The following KDM2A variants were observed in gnomAD, a reference collection of about 807,000 sequenced individuals.
KDM2A encodes the protein lysine-specific demethylase 2A.
Under a neutral mutation model 137.3 loss-of-function variants are expected in KDM2A, and 3 were observed. The ratio of observed to expected loss-of-function variants is 0.02; its 90% confidence interval spans 0.01 to 0.06. The LOEUF (loss-of-function observed/expected upper bound fraction) is 0.06, where lower values mean the gene tolerates loss of function less well. Ranked by LOEUF, KDM2A falls within the 10% of genes least tolerant of loss-of-function variation. The pLI, the probability that KDM2A is intolerant of heterozygous loss-of-function variation, is 1.00. For missense variants in KDM2A, 738 were observed against 1,510.6 expected (o/e 0.49, Z 8.48); for synonymous variants, 512 against 541.5 (o/e 0.95, Z 0.76).
chr11:67,220,485 C>G (rs1401805750), intron 10 of KDM2A, among the ~76,000 whole-genome samples: 1 of 152,136 alleles, frequency 6.6e-6, no homozygotes, highest in African/African-American at 2.4e-5. Flanking sequence ...AAGCATCTTA[C>G]TTTAATTATA....
intron 2 of KDM2A, among the ~76,000 whole-genome samples, chr11:67,150,294 T>C (rs1465819792): frequency 2.0e-5 from 3 of 152,214 alleles, no homozygotes; most frequent in African/African-American, 4.8e-5. Context: ...AGGTATTATT[T>C]GTTAGTCTGA....
intron 2 of KDM2A, among the ~76,000 whole-genome samples, chr11:67,178,423 TA>T (rs764735704): frequency 1.6e-3 from 243 of 152,052 alleles, no homozygotes; most frequent in Non-Finnish European, 2.9e-3. Flanking sequence ...AAAAATAAAA[TA>T]AAGTGTACAA....
chr11:67,231,270 C>T (rs1858711668), intron 11 of KDM2A, among the ~76,000 whole-genome samples: 1 of 152,122 alleles, frequency 6.6e-6, no homozygotes, highest in Admixed American at 6.6e-5. Context: ...GACTTTACAA[C>T]CACTTTGATA....
rs749914932 is a variant in KDM2A at position 67,127,522 on chromosome 11, C to T, written c.42+6164C>T. 7.2e-5 allele frequency among the ~76,000 whole-genome samples: 11 copies of T among 152,022 alleles called. 1 individual carries two copies. The highest frequency in any genetic ancestry group is 6.8e-3 in the Middle Eastern group (2 of 294). ...GAGCTTTTCTAAAAGATGTTATTAT[C>T]GCATGTTCAATCCTGTTAACCTGTC... On this transcript the variant is annotated intron_variant, in intron 2 of 20. Coordinates refer to ENST00000529006, the MANE Select transcript of KDM2A (RefSeq NM_012308.3).
At chr11:67,181,998 AT>A in intron 5 of KDM2A, 106 bp downstream of exon 5, 1 of 912,064 alleles carries the variant, frequency 1.1e-6, no homozygotes, top group Non-Finnish European at 1.7e-6. Flanking sequence ...TGAAGTATAT[AT>A]TTGATTAGAA....
At chr11:67,247,560 T>TGG (rs1179713919) in intron 15 of KDM2A, among the ~76,000 whole-genome samples, 1 of 151,500 alleles carries the variant, frequency 6.6e-6, no homozygotes, top group Non-Finnish European at 1.5e-5. Flanking sequence ...CCTGAGTAGC[T>TGG]GGGATTACAG....
At chr11:67,188,830 A>G (rs1048168576) in intron 5 of KDM2A, among the ~76,000 whole-genome samples, 16 of 151,992 alleles carry the variant, frequency 1.1e-4, no homozygotes, top group South Asian at 6.2e-4. Context: ...AGGCAAAGAC[A>G]TATATTAATT....
At chr11:67,181,955 A>C in intron 5 of KDM2A, 63 bp downstream of exon 5, 2 of 1,379,248 alleles carry the variant, frequency 1.5e-6, no homozygotes, top group Non-Finnish European at 2.1e-6. Context: ...GACTGAATTA[A>C]ATCTCTGACT....
intron 5 of KDM2A, among the ~76,000 whole-genome samples, chr11:67,201,895 C>T (rs750377296): frequency 4.0e-5 from 6 of 150,234 alleles, no homozygotes; most frequent in Non-Finnish European, 8.8e-5. Flanking sequence ...TTCGAGGTTG[C>T]AATGAGCTCT....
At chr11:67,150,495 G>A (rs1856359846) in intron 2 of KDM2A, among the ~76,000 whole-genome samples, 1 of 152,122 alleles carries the variant, frequency 6.6e-6, no homozygotes, top group African/African-American at 2.4e-5. Context: ...TTTACTATTA[G>A]TACACATTGG....
At chr11:67,188,730 G>A (rs1267303022) in intron 5 of KDM2A, among the ~76,000 whole-genome samples, 1 of 148,004 alleles carries the variant, frequency 6.8e-6, no homozygotes, top group Non-Finnish European at 1.5e-5. Flanking sequence ...GGTCAAAGCT[G>A]CAGTGACCTG....
rs1419550086 is a variant in KDM2A at position 67,217,799 on chromosome 11, A to G, written c.756A>G (p.Lys252=). The change falls in exon 9 of 21, where the codon AAA becomes AAG. Residue 252 remains lysine, a synonymous_variant. Coordinates refer to ENST00000529006, the MANE Select transcript of KDM2A (RefSeq NM_012308.3). ...ACGAGAATTGGCTGCTGTCAGGGAA[A>G]CAGGGAGACATCTTTCTGGGTGACC... is the stretch of plus-strand genomic sequence containing the variant. ...ELYENWLLSG[K]QGDIFLGDRV... is the part of the protein sequence containing the mutation. The G allele has an allele frequency of 1.2e-6, 2 of 1,613,668 alleles. No homozygotes were observed. Among genetic ancestry groups the G allele is most frequent in the Non-Finnish European group, 8.5e-7 (1 of 1,179,782 alleles).
At chr11:67,195,922 C>A in intron 5 of KDM2A, 3 of 399,838 alleles carry the variant, frequency 7.5e-6, no homozygotes, top group East Asian at 6.8e-5. Flanking sequence ...ATTTTTCTAC[C>A]ACTTACAGCA....
chr11:67,186,929 T>G (rs1351907061), intron 5 of KDM2A, among the ~76,000 whole-genome samples: 7 of 152,178 alleles, frequency 4.6e-5, no homozygotes, highest in Admixed American at 4.6e-4. Context: ...ATGAATGAGT[T>G]ATTAATTTAA....
At chr11:67,190,678 T>A (rs1196964939) in intron 5 of KDM2A, among the ~76,000 whole-genome samples, 2 of 152,020 alleles carry the variant, frequency 1.3e-5, no homozygotes, top group Non-Finnish European at 2.9e-5. Context: ...TGAGAATCGC[T>A]TGAACTGAGG....
chr11:67,153,058 C>A (rs1856432276), intron 2 of KDM2A, among the ~76,000 whole-genome samples: 1 of 151,906 alleles, frequency 6.6e-6, no homozygotes, highest in African/African-American at 2.4e-5. Context: ...GATCTCAGCT[C>A]ACTGCAACGT....
At chr11:67,222,917 G>C (rs1460615119) in intron 10 of KDM2A, among the ~76,000 whole-genome samples, 1 of 150,724 alleles carries the variant, frequency 6.6e-6, no homozygotes, top group African/African-American at 2.4e-5. Context: ...AAAAAGGCCA[G>C]GCACAGTGGC....
intron 5 of KDM2A, among the ~76,000 whole-genome samples, chr11:67,188,553 G>A (rs1439784837): frequency 2.6e-5 from 4 of 151,020 alleles, no homozygotes; most frequent in African/African-American, 4.9e-5. Flanking sequence ...AACTTTGGGA[G>A]GCCAAGGCGG....
In KDM2A at chr11:67,245,120, T is replaced by C. The variant is rs1439860376; in HGVS notation, c.1564-69T>C. 3 of 1,548,454 alleles carry C rather than the reference T, an allele frequency of 1.9e-6. No individual in the cohort carries two copies. The highest frequency in any genetic ancestry group is 1.4e-5 in the African/African-American group (1 of 73,744). On this transcript the variant is annotated intron_variant, in intron 13 of 20. Coordinates refer to ENST00000529006, the MANE Select transcript of KDM2A (RefSeq NM_012308.3). This position sits in a 1 kb window ranked among gnomAD's most constrained non-coding sequence, Gnocchi z 4.1. ...AAGCCCCAGGCTAGGTATGCTACCA[T>C]GTAATCTTCTACCCTATCCAGTCTT...
Sources: gnomAD v4.1 joint callset for allele counts (sites outside exome capture counted in the v4.1 genomes callset) on GRCh38, gnomAD v4.1.1 for gene constraint, Gnocchi (gnomAD v3.1) non-coding constraint, MANE v1.5 for transcripts, NCBI Gene and HGNC (gene_info 2026-07-23, HGNC 2026-07-21) for gene names.